LRP1B: variants seen among roughly 807,000 people sequenced by gnomAD.
The protein encoded by LRP1B is low-density lipoprotein receptor-related protein 1B.
LRP1B carries 217 observed loss-of-function variants against 556.6 expected under a neutral mutation model. The ratio of observed to expected loss-of-function variants is 0.39; its 90% CI spans 0.35 to 0.44. The LOEUF (loss-of-function observed/expected upper bound fraction) is 0.44. LRP1B is among the 20% of genes least tolerant of loss of function. The probability of loss-of-function intolerance (pLI) is 1.00; values close to 1 mark genes in which losing one functional copy is unlikely to be tolerated. For synonymous variants in LRP1B, 2,047 were observed against 1,865.8 expected (o/e 1.10, Z -2.50); for missense variants, 5,053 against 5,620.8 (o/e 0.90, Z 3.23).
At chr2:140,994,161 A>G (rs753326011) in intron 15 of LRP1B, 26 bp from the exon 16 acceptor site, 1 of 1,603,572 alleles carries the variant, frequency 6.2e-7, no homozygotes, top group Non-Finnish European at 8.5e-7. Context: ...CCCAAGGTAT[A>G]TGAATAATGC....
At chr2:141,743,501 CTTTTTTT>C (rs796287062) in intron 2 of LRP1B, among the ~76,000 whole-genome samples, 1,596 of 119,024 alleles carry the variant, frequency 0.013, 17 homozygotes, top group South Asian at 0.023. Flanking sequence ...TTTTTTTTTT[CTTTTTTT>C]TTTTTTTTTG....
At chr2:141,857,461 C>T (rs1487160900) in intron 1 of LRP1B, among the ~76,000 whole-genome samples, 1 of 152,008 alleles carries the variant, frequency 6.6e-6, no homozygotes, top group African/African-American at 2.4e-5. Context: ...CCACCTCAGC[C>T]TCCCGAGTAG....
intron 73 of LRP1B, 125 bp from the exon 74 acceptor site, chr2:140,358,241 G>T (rs1573841030): frequency 1.2e-6 from 1 of 807,602 alleles, no homozygotes; most frequent in Non-Finnish European, 1.8e-6. Context: ...TTTATCTGAA[G>T]CTCTCAAGGC....
At chr2:140,589,107 A>C (rs2105160444) in intron 43 of LRP1B, among the ~76,000 whole-genome samples, 1 of 152,358 alleles carries the variant, frequency 6.6e-6, no homozygotes, top group Middle Eastern at 3.4e-3. Context: ...TAGAAAAAAT[A>C]GAATAAAATC....
intron 2 of LRP1B, among the ~76,000 whole-genome samples, chr2:141,674,959 T>C (rs1690819946): frequency 6.6e-6 from 1 of 152,048 alleles, no homozygotes; most frequent in Non-Finnish European, 1.5e-5. Flanking sequence ...ACTATTAACA[T>C]TTTGTTTCTG....
intron 3 of LRP1B, among the ~76,000 whole-genome samples, chr2:141,259,280 C>T (rs868497187): frequency 6.6e-6 from 1 of 151,512 alleles, no homozygotes; most frequent in Non-Finnish European, 1.5e-5. Context: ...TTTGTCTCTG[C>T]AACAAGAGTG....
Position 141,215,373 on chromosome 2 carries a change from C to T in LRP1B, c.850+13810G>A, listed in dbSNP as rs185547744. On this transcript the variant is annotated intron_variant, in intron 6 of 90. Transcript: ENST00000389484. Reference sequence around the variant, plus strand: ...TCTCTGGTATTTCTTTGTAGCAACGCGAGAACAGCCTAATACAGATAATTG... The same window carrying T: ...TCTCTGGTATTTCTTTGTAGCAACGTGAGAACAGCCTAATACAGATAATTG... 2.1e-4 allele frequency among the ~76,000 whole-genome samples: 32 copies of T among 152,180 alleles called. No individual in the cohort carries two copies. The East Asian group carries it at 2.1e-3, about 10-fold the overall frequency.
intron 2 of LRP1B, among the ~76,000 whole-genome samples, chr2:141,773,407 G>T (rs1488051716): frequency 6.6e-6 from 1 of 152,212 alleles, no homozygotes; most frequent in Non-Finnish European, 1.5e-5. Flanking sequence ...TGCTGCAGGA[G>T]CAGAAGCAAG....
chr2:140,449,681 A>G (rs1252668774), intron 63 of LRP1B, among the ~76,000 whole-genome samples: 3 of 152,176 alleles, frequency 2.0e-5, no homozygotes, highest in Admixed American at 6.6e-5. Context: ...ATCTAAGTAA[A>G]TATCTAGATA....
chr2:141,243,603 C>A (rs896643936), intron 5 of LRP1B, among the ~76,000 whole-genome samples: 2 of 152,210 alleles, frequency 1.3e-5, no homozygotes, highest in Non-Finnish European at 1.5e-5. Flanking sequence ...AAAAACTATT[C>A]AACTATGCAT....
chr2:141,031,286 TAC>T (rs376448192), intron 11 of LRP1B, among the ~76,000 whole-genome samples: 1,701 of 122,304 alleles, frequency 0.014, 50 homozygotes, highest in Admixed American at 0.083. Flanking sequence ...CACACATACA[TAC>T]ATATATATAT....
chr2:140,546,994 G>T (rs755037237), intron 43 of LRP1B, among the ~76,000 whole-genome samples: 2 of 152,084 alleles, frequency 1.3e-5, no homozygotes, highest in Admixed American at 6.6e-5. Context: ...TTGCATCCGA[G>T]GGATAAAGCC....
chr2:142,032,648 A>G (rs1703747947), intron 1 of LRP1B, among the ~76,000 whole-genome samples: 1 of 151,750 alleles, frequency 6.6e-6, no homozygotes, highest in Non-Finnish European at 1.5e-5. Context: ...GTTATTATGT[A>G]TTTTTACTAA....
intron 2 of LRP1B, among the ~76,000 whole-genome samples, chr2:141,565,436 A>G (rs1049855891): frequency 1.3e-5 from 2 of 152,206 alleles, no homozygotes; most frequent in Non-Finnish European, 2.9e-5. Context: ...TGATCAATCA[A>G]GGCTTTTAAG....
intron 4 of LRP1B, among the ~76,000 whole-genome samples, chr2:141,253,670 T>C (rs1435201756): frequency 6.6e-6 from 1 of 152,136 alleles, no homozygotes; most frequent in African/African-American, 2.4e-5. Context: ...GTAAAAGTGA[T>C]AATATTGGAG....
intron 71 of LRP1B, among the ~76,000 whole-genome samples, chr2:140,368,819 C>T (rs1682870151): frequency 6.6e-6 from 1 of 151,762 alleles, no homozygotes; most frequent in Non-Finnish European, 1.5e-5. Context: ...ATACCTACGC[C>T]ACTTCCTGGG....
chr2:141,129,603 CAATT>C (rs1701299586), intron 7 of LRP1B, among the ~76,000 whole-genome samples: 1 of 151,648 alleles, frequency 6.6e-6, no homozygotes, highest in Admixed American at 6.6e-5. Flanking sequence ...AAAGTCAAAT[CAATT>C]CACAAAGAGA....
intron 35 of LRP1B, among the ~76,000 whole-genome samples, chr2:140,725,234 C>T (rs1223738419): frequency 6.6e-6 from 1 of 152,044 alleles, no homozygotes; most frequent in Non-Finnish European, 1.5e-5. Context: ...AGGAAGCTTT[C>T]TCATATCACT....
intron 7 of LRP1B, among the ~76,000 whole-genome samples, chr2:141,131,530 C>T (rs1701356297): frequency 1.3e-5 from 2 of 148,648 alleles, no homozygotes; most frequent in South Asian, 4.2e-4. Flanking sequence ...TCTCTTTTTT[C>T]CAATGGGAAG....
Sources: gnomAD v4.1 joint callset for allele counts (sites outside exome capture counted in the v4.1 genomes callset) on GRCh38, gnomAD v4.1.1 for gene constraint, MANE v1.5 for transcripts, NCBI Gene and HGNC (gene_info 2026-07-23, HGNC 2026-07-21) for gene names.